RHBG: variants seen among roughly 807,000 people sequenced by gnomAD.
RHBG encodes the protein ammonium transporter Rh type B.
Under a neutral mutation model 40.1 loss-of-function variants are expected in RHBG, and 39 were observed. The observed-to-expected ratio is 0.97, with a 90% CI of 0.75 to 1.27. The LOEUF (loss-of-function observed/expected upper bound fraction) is 1.27, where lower values mean the gene tolerates loss of function less well. Among genes scored for constraint, RHBG ranks in the 50% most tolerant of loss-of-function variants. The pLI is 0.00. For synonymous variants in RHBG, 237 were observed against 252.5 expected (o/e 0.94, Z 0.58); for missense variants, 549 against 588.1 (o/e 0.93, Z 0.69).
At chr1:156,382,692 G>C in intron 7 of RHBG, 56 bp from the exon 8 acceptor site, 1 of 1,606,114 alleles carries the variant, frequency 6.2e-7, no homozygotes, top group East Asian at 2.2e-5. Context: ...CCTGGCCCCG[G>C]GCTGCATCCC....
At position 156,382,865 on chromosome 1, in the gene RHBG, T is replaced by C; in HGVS notation, c.1230T>C (p.Leu410=). Residue 410 remains leucine, a synonymous_variant, in exon 8 of 10, where the codon CTT becomes CTC. Coordinates refer to ENST00000537040, the MANE Select transcript of RHBG (RefSeq NM_020407.5). The stretch of plus-strand genomic sequence containing the variant: ...TGTTTGCCTCTGTGGGCGGGGGCCT[T>C]GGAGGTGAGTAACCTTGGATTTTCT... ...TLMFASVGGG[L]GGLLLKLPFL... 1.2e-6 allele frequency: 2 copies of C among 1,614,192 alleles called. No homozygotes were observed. The highest frequency in any genetic ancestry group is 8.5e-7 in the Non-Finnish European group (1 of 1,180,024).
In RHBG at chr1:156,377,513, C is replaced by A; in HGVS notation, c.374+26C>A. On this transcript the variant is annotated intron_variant, in intron 2 of 9. Coordinates refer to ENST00000537040, the MANE Select transcript of RHBG (RefSeq NM_020407.5). The surrounding 1 kb of genome is among the most constrained non-coding windows in gnomAD (Gnocchi z 4.6). ...GTGGGCAGCCGCCACCCACCCAGCT[C>A]CCCAAGGTTCACTCGGGAGGCCCCT... is the stretch of plus-strand genomic sequence containing the variant. The A allele has an allele frequency of 6.3e-7, 1 of 1,593,784 alleles. No individual in the cohort carries two copies.
chr1:156,379,180 G>C (rs1345114796), intron 4 of RHBG, among the ~76,000 whole-genome samples: 2 of 151,900 alleles, frequency 1.3e-5, no homozygotes, highest in African/African-American at 2.4e-5. Flanking sequence ...ATTTTTGGTA[G>C]AGACAGGGTT....
chr1:156,374,503 G>T, intron 1 of RHBG: 2 of 361,166 alleles, frequency 5.5e-6, no homozygotes, highest in South Asian at 4.2e-5. Flanking sequence ...GTGAGAACAT[G>T]CGGTGTTTAA....
rs767007993 is a variant in RHBG, at chr1:156,369,220, C to A, written c.-30C>A. Reference sequence around the variant, plus strand: ...GCCGGGAATTGTCTGCCAAAGCCTGCGAGCGCCAGCCGAGATCGCAGCCCA... The same window carrying A: ...GCCGGGAATTGTCTGCCAAAGCCTGAGAGCGCCAGCCGAGATCGCAGCCCA... On this transcript the variant is annotated 5_prime_UTR_variant, in exon 1 of 10. Transcript: ENST00000537040. 1.2e-6 allele frequency: 2 copies of A among 1,601,532 alleles called. No homozygotes were observed. Among genetic ancestry groups the A allele is most frequent in the East Asian group, 2.2e-5 (1 of 44,632 alleles).
chr1:156,369,458 G>T lies in RHBG; in HGVS notation c.187+22G>T, dbSNP rs368796347. 9.2e-5 allele frequency: 145 copies of T among 1,581,564 alleles called. No homozygotes were observed. The African/African-American group carries it at 1.8e-3, about 20-fold the overall frequency. On this transcript the variant is annotated intron_variant, in intron 1 of 9. Coordinates refer to ENST00000537040, the MANE Select transcript of RHBG (RefSeq NM_020407.5). ...CCAAGTGAGTGCGGGGTGAGGGCGC[G>T]CGGGAAGCAAAGACCCCAAGATTTG...
Position 156,381,364 on chromosome 1 carries a change from A to C in RHBG, c.691A>C (p.Ile231Leu). The change falls in exon 5 of 10, where the codon ATC (isoleucine) becomes CTC (leucine). Residue 231 changes from isoleucine (I) to leucine (L), a missense_variant. By Grantham distance (5) the Ile-to-Leu change is conservative. Around this residue, in one of 3 missense-constraint regions of RHBG, gnomAD observed 399 missense variants for 417.0 expected, o/e 0.96. Coordinates refer to ENST00000537040, the MANE Select transcript of RHBG (RefSeq NM_020407.5). ...FAMIGTIFLWIFWPSFNAALT... is the reference protein window; with the variant it reads ...FAMIGTIFLWLFWPSFNAALT... ...CCATCTAGGGACCATCTTCCTGTGG[A>C]TCTTCTGGCCTAGCTTCAATGCTGC... is the stretch of plus-strand genomic sequence containing the variant. 1.2e-6 allele frequency: 2 copies of C among 1,614,044 alleles called. No individual in the cohort carries two copies. Among genetic ancestry groups the C allele is most frequent in the African/African-American group, 1.3e-5 (1 of 74,982 alleles).
chr1:156,377,201 T>C lies in RHBG; in HGVS notation c.188-100T>C. On this transcript the variant is annotated intron_variant, in intron 1 of 9. Transcript: ENST00000537040. The surrounding 1 kb of genome is among the most constrained non-coding windows in gnomAD (Gnocchi z 4.6). ...TTATAGGCTCGGCTCAAGGCAGCCC[T>C]GGCTGGTGAGAGCCAGGGGCACTGG... 7.4e-7 allele frequency: 1 copy of C among 1,345,554 alleles called. No homozygotes were observed. Among genetic ancestry groups the C allele is most frequent in the Non-Finnish European group, 1.0e-6 (1 of 960,338 alleles). 83.4% of individuals were successfully genotyped at this position (1,345,554 alleles called of 1,614,324 possible).
Position 156,382,114 on chromosome 1 carries a change from A to T in RHBG, c.1025A>T (p.His342Leu), listed in dbSNP as rs1470523030. 6.2e-7 allele frequency: 1 copy of T among 1,613,874 alleles called. No homozygotes were observed. The highest frequency in any genetic ancestry group is 1.7e-5 in the Admixed American group (1 of 60,002). Residue 342 changes from histidine to leucine, a missense_variant, in exon 7 of 10, where the codon CAC becomes CTC. His to Leu is a moderately conservative substitution (Grantham distance 99). Around this residue, in one of 3 missense-constraint regions of RHBG, gnomAD observed 399 missense variants for 417.0 expected, o/e 0.96. Transcript: ENST00000537040. Reference sequence around the variant, plus strand: ...AAAGTCCAAGACACATGTGGAGTCCACAACCTCCATGGGATGCCGGGGGTC... The same window carrying T: ...AAAGTCCAAGACACATGTGGAGTCCTCAACCTCCATGGGATGCCGGGGGTC... ...KFKVQDTCGV[H>L]NLHGMPGVLG...
intron 7 of RHBG, 108 bp downstream of exon 7, chr1:156,382,309 T>C (rs761766974): frequency 1.3e-6 from 2 of 1,554,164 alleles, no homozygotes; most frequent in Non-Finnish European, 1.8e-6. Context: ...CATTCATTCA[T>C]CCATATTCTG....
intron 7 of RHBG, 23 bp downstream of exon 7, chr1:156,382,224 C>T (rs1303618192): frequency 6.2e-7 from 1 of 1,614,102 alleles, no homozygotes. Flanking sequence ...CCAACCCGTA[C>T]TGCAGTCGTC....
chr1:156,382,524 G>A, intron 7 of RHBG: 1 of 676,270 alleles, frequency 1.5e-6, no homozygotes, highest in South Asian at 1.8e-5. Flanking sequence ...CTTAAAAGGT[G>A]CCTAGGTGTC....
rs1296231146 is a variant in RHBG, at chr1:156,377,488, G to A, written c.374+1G>A. On this transcript the variant is annotated splice_donor_variant, in intron 2 of 9. Coordinates refer to ENST00000537040, the MANE Select transcript of RHBG (RefSeq NM_020407.5). LOFTEE classifies it high-confidence loss of function. This position sits in a 1 kb window ranked among gnomAD's most constrained non-coding sequence, Gnocchi z 4.6. Reference sequence around the variant, plus strand: ...GCCACATCCATGTTGGCGTGGAGAGGTGGGCAGCCGCCACCCACCCAGCTC... The same window carrying A: ...GCCACATCCATGTTGGCGTGGAGAGATGGGCAGCCGCCACCCACCCAGCTC... 6.2e-7 allele frequency: 1 copy of A among 1,601,922 alleles called. No individual in the cohort carries two copies. Among genetic ancestry groups the A allele is most frequent in the Non-Finnish European group, 8.5e-7 (1 of 1,170,114 alleles).
At chr1:156,384,377 G>C (rs560949922) in intron 8 of RHBG, 150 bp from the exon 9 acceptor site, 1 of 761,836 alleles carries the variant, frequency 1.3e-6, no homozygotes, top group African/African-American at 1.7e-5. Flanking sequence ...GCACATAGTA[G>C]ATGCTCAACA....
chr1:156,382,363 C>A, intron 7 of RHBG, 162 bp downstream of exon 7: 2 of 925,722 alleles, frequency 2.2e-6, no homozygotes, highest in South Asian at 3.0e-5. Flanking sequence ...CCAGAAACTG[C>A]CTTCCTGGTC....
Position 156,382,862 on chromosome 1 carries a change from C to T in RHBG, c.1227C>T (p.Gly409=), listed in dbSNP as rs771951668. The T allele has an allele frequency of 1.9e-6, 3 of 1,614,174 alleles. No individual in the cohort carries two copies. Among genetic ancestry groups the T allele is most frequent in the Non-Finnish European group, 2.5e-6 (3 of 1,180,036 alleles). The stretch of plus-strand genomic sequence containing the variant: ...TGATGTTTGCCTCTGTGGGCGGGGG[C>T]CTTGGAGGTGAGTAACCTTGGATTT... ...VTLMFASVGG[G]LGGLLLKLPF... Residue 409 remains glycine, a synonymous_variant, in exon 8 of 10, where the codon GGC becomes GGT. Coordinates refer to ENST00000537040, the MANE Select transcript of RHBG (RefSeq NM_020407.5).
rs1390164865 is a variant in RHBG at position 156,382,136 on chromosome 1, G to A, written c.1047G>A (p.Gly349=). The change falls in exon 7 of 10, where the codon GGG becomes GGA. Residue 349 remains glycine (G), a synonymous_variant. Transcript: ENST00000537040. ...TCCACAACCTCCATGGGATGCCGGGGGTCCTGGGGGCCCTCCTGGGGGTCC... is the reference window on the plus strand; with the variant it reads ...TCCACAACCTCCATGGGATGCCGGGAGTCCTGGGGGCCCTCCTGGGGGTCC... ...CGVHNLHGMP[G]VLGALLGVLV... is the part of the protein sequence containing the mutation. The A allele has an allele frequency of 1.9e-6, 3 of 1,614,076 alleles. No homozygotes were observed. The highest frequency in any genetic ancestry group is 2.5e-6 in the Non-Finnish European group (3 of 1,179,990).
intron 1 of RHBG, among the ~76,000 whole-genome samples, chr1:156,373,507 T>C (rs1228708999): frequency 6.6e-6 from 1 of 152,174 alleles, no homozygotes; most frequent in East Asian, 1.9e-4. Context: ...AGGCATCCTC[T>C]AAAGGGGATG....
intron 8 of RHBG, 144 bp from the exon 9 acceptor site, chr1:156,384,383 C>T (rs1297149755): frequency 2.6e-6 from 2 of 782,014 alleles, no homozygotes; most frequent in African/African-American, 3.4e-5. Context: ...AGTAGATGCT[C>T]AACAAATACT....
Sources: gnomAD v4.1 joint callset for allele counts (sites outside exome capture counted in the v4.1 genomes callset) on GRCh38, gnomAD v4.1.1 for gene constraint, gnomAD v4.1.1 regional missense constraint, Gnocchi (gnomAD v3.1) non-coding constraint, MANE v1.5 for transcripts, NCBI Gene and HGNC (gene_info 2026-07-23, HGNC 2026-07-21) for gene names.